SHTN1: variants seen among roughly 807,000 people sequenced by gnomAD.
SHTN1 encodes the protein shootin-1.
Under a neutral mutation model 83.1 loss-of-function variants are expected in SHTN1, and 42 were observed. That is an observed-to-expected ratio of 0.51 (90% CI 0.39 to 0.65). The LOEUF is 0.65. Ranked by LOEUF, SHTN1 falls within the 30% of genes least tolerant of loss-of-function variation. The pLI is 0.00. For synonymous variants in SHTN1, 224 were observed against 247.7 expected (o/e 0.90, Z 0.90); for missense variants, 622 against 737.8 (o/e 0.84, Z 1.82).
intron 1 of SHTN1, among the ~76,000 whole-genome samples, chr10:117,086,204 C>T (rs892009320): frequency 2.0e-5 from 3 of 152,120 alleles, no homozygotes; most frequent in African/African-American, 7.2e-5. Context: ...AGGCGTGAGC[C>T]ACCGCGTCCA....
chr10:117,118,941 A>T lies in SHTN1; in HGVS notation c.-189+7366T>A, dbSNP rs369373267. On this transcript the variant is annotated intron_variant, in intron 1 of 17. Coordinates refer to the SHTN1 transcript ENST00000392901. ...ACATATACCCCTGAACTTAAAATAA[A>T]AGTTGGAAATCAAAAAATAAAATGT... 3.0e-4 allele frequency among the ~76,000 whole-genome samples: 45 copies of T among 152,344 alleles called. No individual in the cohort carries two copies. In the East Asian group the frequency reaches 4.2e-3, roughly 14 times the overall value.
chr10:116,924,610 T>A (rs1046381568), intron 11 of SHTN1, among the ~76,000 whole-genome samples: 2 of 152,094 alleles, frequency 1.3e-5, no homozygotes, highest in Non-Finnish European at 2.9e-5. Context: ...CAGAGGAGAT[T>A]AGGTCAAGAC....
intron 1 of SHTN1, among the ~76,000 whole-genome samples, chr10:117,099,055 G>T (rs1853550891): frequency 1.1e-5 from 1 of 90,976 alleles, no homozygotes; most frequent in African/African-American, 3.3e-5. Context: ...CCATAAAAAG[G>T]AACAAAATAA....
intron 2 of SHTN1, among the ~76,000 whole-genome samples, chr10:117,034,311 T>G (rs1852463579): frequency 6.6e-6 from 1 of 152,136 alleles, no homozygotes; most frequent in Non-Finnish European, 1.5e-5. Flanking sequence ...TTCTAATAGT[T>G]TTTTGGTAAA....
chr10:117,022,143 T>C (rs1020147697), intron 2 of SHTN1, among the ~76,000 whole-genome samples: 1 of 152,158 alleles, frequency 6.6e-6, no homozygotes, highest in African/African-American at 2.4e-5. Flanking sequence ...ATAGTCTGCC[T>C]GAATCTCTAA....
intron 1 of SHTN1, among the ~76,000 whole-genome samples, chr10:117,123,311 A>G (rs991614741): frequency 2.6e-5 from 4 of 151,896 alleles, no homozygotes; most frequent in African/African-American, 9.7e-5. Flanking sequence ...TCCACTCTTC[A>G]TTTTCCCGTT....
intron 16 of SHTN1, 32 bp downstream of exon 16, chr10:116,901,733 T>A: frequency 6.5e-7 from 1 of 1,537,364 alleles, no homozygotes; most frequent in African/African-American, 1.4e-5. Flanking sequence ...GATTCTTCTA[T>A]ACACCACTTA....
At chr10:116,931,938 G>A (rs947524734) in intron 9 of SHTN1, among the ~76,000 whole-genome samples, 26 of 152,138 alleles carry the variant, frequency 1.7e-4, no homozygotes, top group African/African-American at 5.6e-4. Flanking sequence ...CATCTGCAAG[G>A]GAACTTACAG....
chr10:116,972,828 C>T (rs1046011891), intron 2 of SHTN1, among the ~76,000 whole-genome samples: 1 of 152,202 alleles, frequency 6.6e-6, no homozygotes, highest in African/African-American at 2.4e-5. Flanking sequence ...GATAACATTA[C>T]ATCGACTCTA....
Position 117,100,165 on chromosome 10 carries a change from G to A in SHTN1, c.-189+26142C>T, listed in dbSNP as rs11819117. 3.5e-3 allele frequency among the ~76,000 whole-genome samples: 532 copies of A among 152,176 alleles called. 6 individuals carry two copies. Among genetic ancestry groups the A allele is most frequent in the African/African-American group, 0.012 (513 of 41,508 alleles). On this transcript the variant is annotated intron_variant, in intron 1 of 17. Transcript: ENST00000392901. ...GCACTCCAGCCTGGGCAACAACAGC[G>A]AAACTCCGTCTCAAAAAATAAATTA...
In SHTN1 at chr10:116,891,817, C is replaced by T. The variant is rs561572698; in HGVS notation, c.1674-5251G>A. Among the ~76,000 whole-genome samples, 7 of 152,176 alleles carry T rather than the reference C, an allele frequency of 4.6e-5. No individual in the cohort carries two copies. In the South Asian group the frequency reaches 1.2e-3, roughly 27 times the overall value. ...AAGGTGAAACTTTCTATATTACTAC[C>T]GATTCTAGCATTATTTTAAAATATA... On this transcript the variant is annotated intron_variant, in intron 16 of 16. Coordinates refer to ENST00000355371, the MANE Select transcript of SHTN1 (RefSeq NM_001127211.3).
chr10:117,116,020 A>G (rs1853840657), intron 1 of SHTN1, among the ~76,000 whole-genome samples: 1 of 152,196 alleles, frequency 6.6e-6, no homozygotes, highest in Admixed American at 6.5e-5. Context: ...CTAGAGAATC[A>G]AGAACAAACT....
At chr10:117,026,212 A>C (rs1194806106) in intron 2 of SHTN1, among the ~76,000 whole-genome samples, 1 of 152,204 alleles carries the variant, frequency 6.6e-6, no homozygotes, top group Non-Finnish European at 1.5e-5. Context: ...GTCCCAGGAC[A>C]AGGATCATTC....
At position 116,884,047 on chromosome 10, in the gene SHTN1, G is replaced by A. The variant is rs966800544; in HGVS notation, c.*2297C>T. 4 of 305,798 alleles carry A rather than the reference G, an allele frequency of 1.3e-5. No individual in the cohort carries two copies. Among genetic ancestry groups the A allele is most frequent in the East Asian group, 8.9e-5 (1 of 11,232 alleles). 18.9% of individuals were successfully genotyped at this position (305,798 alleles called of 1,614,324 possible). ...TTAAAGAAAAAAAATCCTCTATAGC[G>A]CACAAGACTTAATTTATCTTTCCCA... On this transcript the variant is annotated 3_prime_UTR_variant, in exon 17 of 17. Transcript: ENST00000355371.
At chr10:117,026,496 C>T (rs528312292) in intron 2 of SHTN1, among the ~76,000 whole-genome samples, 4 of 151,620 alleles carry the variant, frequency 2.6e-5, no homozygotes, top group Non-Finnish European at 5.9e-5. Flanking sequence ...AATCTCAGCT[C>T]ACTGCAACCT....
chr10:117,068,468 G>A (rs1853035863), intron 1 of SHTN1, among the ~76,000 whole-genome samples: 1 of 152,050 alleles, frequency 6.6e-6, no homozygotes, highest in Admixed American at 6.6e-5. Flanking sequence ...GAACAAGTGG[G>A]AAGTGAGGAA....
intron 1 of SHTN1, among the ~76,000 whole-genome samples, chr10:117,053,935 A>G (rs1852786560): frequency 6.6e-6 from 1 of 152,270 alleles, no homozygotes; most frequent in African/African-American, 2.4e-5. Context: ...AGTATGATAC[A>G]TGCTACAATA....
intron 1 of SHTN1, among the ~76,000 whole-genome samples, chr10:117,057,059 AAAGG>A (rs1852834913): frequency 6.6e-6 from 1 of 152,162 alleles, no homozygotes; most frequent in South Asian, 2.1e-4. Context: ...TACCAATTGG[AAAGG>A]AAGAAATAAA....
intron 2 of SHTN1, among the ~76,000 whole-genome samples, chr10:117,034,682 T>C (rs1389877166): frequency 6.6e-6 from 1 of 152,062 alleles, no homozygotes; most frequent in African/African-American, 2.4e-5. Context: ...TGGCATTTTT[T>C]ATGCCATCAG....
Sources: allele counts gnomAD v4.1 joint callset (sites outside exome capture counted in the v4.1 genomes callset), GRCh38; gene constraint gnomAD v4.1.1; transcripts MANE v1.5; gene names NCBI Gene and HGNC (gene_info 2026-07-23, HGNC 2026-07-21).